The following ACSBG1 variants were observed in gnomAD, a reference collection of about 807,000 sequenced individuals.
ACSBG1 encodes long-chain-fatty-acid--CoA ligase ACSBG1.
In ACSBG1, 39 loss-of-function variants were observed where a neutral mutation model predicts 80.2. The observed-to-expected ratio is 0.49, with a 90% CI of 0.38 to 0.64. The LOEUF (loss-of-function observed/expected upper bound fraction) is 0.64. Among genes scored for constraint, ACSBG1 ranks in the 30% least tolerant of loss-of-function variants. The pLI is 0.00. For missense variants in ACSBG1, 828 were observed against 966.4 expected (o/e 0.86, Z 1.90); for synonymous variants, 392 against 379.5 (o/e 1.03, Z -0.38).
In ACSBG1 at chr15:78,168,790, T is replaced by C; in HGVS notation, c.*2654A>G. 4 of 643,080 alleles carry C rather than the reference T, an allele frequency of 6.2e-6. No homozygotes were observed. The highest frequency in any genetic ancestry group is 8.5e-6 in the Non-Finnish European group (3 of 352,136). The allele number at this position is 643,080 out of a possible 1,614,324, so 39.8% of individuals were successfully genotyped here. A position where few individuals can be genotyped will look rare whatever the true frequency, so the allele number is the denominator to read the frequency against. ...ATGGTGGTGGAGTGGTTCCTCACTT[T>C]GAAATGAGGAACTAAATGAAAGAGC... On this transcript the variant is annotated 3_prime_UTR_variant, in exon 14 of 14. Transcript: ENST00000258873.
rs2074920754 is a variant in ACSBG1, at chr15:78,179,671, TG to T, written c.1362del (p.Met455Ter). ...KCQKNFYGAA[P>X]MMAETQHFFL... ...AAGAAGTGCTGTGTCTCTGCCATCA[TG>T]GGGGCCGCTCCATAGAAGTTCTTTT... On this transcript the variant is annotated frameshift_variant, in exon 10 of 14. Transcript: ENST00000258873. LOFTEE classifies it high-confidence loss of function. 14 of 1,613,950 alleles carry T rather than the reference TG, an allele frequency of 8.7e-6. No individual in the cohort carries two copies. Among genetic ancestry groups the T allele is most frequent in the Non-Finnish European group, 1.2e-5 (14 of 1,180,010 alleles).
In ACSBG1 at chr15:78,182,028, G is replaced by A. The variant is rs1355995525; in HGVS notation, c.1012C>T (p.Leu338=). ...GCCCCCCACTGGATGCCTGTCCACA[G>A]GTCGTAGATCTGGGCGGCAATATGG... is the stretch of plus-strand genomic sequence containing the variant. ...LSHIAAQIYD[L]WTGIQWGAQV... Residue 338 remains leucine (L), a synonymous_variant, in exon 8 of 14, where the codon CTG becomes TTG. Transcript: ENST00000258873. 1 of 1,614,174 alleles carries A rather than the reference G, an allele frequency of 6.2e-7. No homozygotes were observed. Among genetic ancestry groups the A allele is most frequent in the Non-Finnish European group, 8.5e-7 (1 of 1,180,038 alleles).
At chr15:78,207,859 TG>T in intron 2 of ACSBG1, 142 bp downstream of exon 2, 1 of 676,152 alleles carries the variant, frequency 1.5e-6, no homozygotes, top group Non-Finnish European at 2.6e-6. Flanking sequence ...GTGGGGTCCC[TG>T]GGAGCGTGGA....
Position 78,171,468 on chromosome 15 carries a change from G to A in ACSBG1, c.2151C>T (p.Ser717=). 1 of 1,614,118 alleles carries A rather than the reference G, an allele frequency of 6.2e-7. No individual in the cohort carries two copies. The highest frequency in any genetic ancestry group is 1.1e-5 in the South Asian group (1 of 91,074). ...VLEKYKGIID[S]FYQEQKM is the part of the protein sequence containing the mutation. Reference sequence around the variant, plus strand: ...ATTACATTTTTTGCTCTTGGTAAAAGGAGTCAATGATACCTTTGTACTTCT... The same window carrying A: ...ATTACATTTTTTGCTCTTGGTAAAAAGAGTCAATGATACCTTTGTACTTCT... Residue 717 remains serine, a synonymous_variant, in exon 14 of 14, where the codon TCC becomes TCT. Transcript: ENST00000258873.
chr15:78,225,436 A>AAAT (rs1567100830), intron 1 of ACSBG1, among the ~76,000 whole-genome samples: 1 of 126,512 alleles, frequency 7.9e-6, no homozygotes, highest in Admixed American at 7.7e-5. Context: ...AATAAATAAA[A>AAAT]ATAAATTAAA....
intron 1 of ACSBG1, among the ~76,000 whole-genome samples, chr15:78,209,874 G>A (rs910153697): frequency 2.6e-5 from 4 of 152,194 alleles, no homozygotes; most frequent in African/African-American, 7.2e-5. Flanking sequence ...CATCTGAACT[G>A]CTTCCTCACA....
At position 78,178,907 on chromosome 15, in the gene ACSBG1, A is replaced by C; in HGVS notation, c.1485-76T>G. The C allele has an allele frequency of 7.0e-7, 1 of 1,432,904 alleles. No individual in the cohort carries two copies. 88.8% of individuals were successfully genotyped at this position (1,432,904 alleles called of 1,614,324 possible). ...GCCCCCACTGGGGAGCCGGGGTCCC[A>C]ACTGCTCGGTCTTCACTGATTGCTA... On this transcript the variant is annotated intron_variant, in intron 10 of 13. Coordinates refer to ENST00000258873, the MANE Select transcript of ACSBG1 (RefSeq NM_015162.5). The surrounding 1 kb of genome is among the most constrained non-coding windows in gnomAD (Gnocchi z 4.3).
At chr15:78,188,547 CA>C (rs1389816505) in intron 5 of ACSBG1, among the ~76,000 whole-genome samples, 11 of 144,218 alleles carry the variant, frequency 7.6e-5, no homozygotes, top group Non-Finnish European at 1.5e-4. Context: ...TGATCTTTGA[CA>C]AACCTGAGAA....
At chr15:78,193,826 G>T in intron 4 of ACSBG1, 106 bp downstream of exon 4, 2 of 1,465,654 alleles carry the variant, frequency 1.4e-6, no homozygotes. Context: ...GAGGAGGCAG[G>T]ATGGTGGGGA....
At chr15:78,211,247 T>C (rs1372942262) in intron 1 of ACSBG1, among the ~76,000 whole-genome samples, 1 of 152,238 alleles carries the variant, frequency 6.6e-6, no homozygotes, top group Non-Finnish European at 1.5e-5. Context: ...TACAGGTGAG[T>C]TGATATTACT....
chr15:78,179,060 A>T (rs1169468927), intron 10 of ACSBG1: 1 of 569,706 alleles, frequency 1.8e-6, no homozygotes, highest in African/African-American at 1.9e-5. Context: ...TAGAACTTGG[A>T]GCACTGTGAT....
At chr15:78,199,506 T>C (rs2075146449) in intron 2 of ACSBG1, among the ~76,000 whole-genome samples, 1 of 151,894 alleles carries the variant, frequency 6.6e-6, no homozygotes, top group Non-Finnish European at 1.5e-5. Flanking sequence ...GCTTGAACAA[T>C]AGAGAGACCT....
intron 2 of ACSBG1, among the ~76,000 whole-genome samples, chr15:78,199,801 AT>A (rs1006289001): frequency 1.3e-5 from 2 of 151,952 alleles, no homozygotes; most frequent in Non-Finnish European, 2.9e-5. Flanking sequence ...CCAGCCAAAT[AT>A]ATGTTTTAAA....
At chr15:78,215,541 AG>A (rs2075300400) in intron 1 of ACSBG1, among the ~76,000 whole-genome samples, 1 of 152,096 alleles carries the variant, frequency 6.6e-6, no homozygotes, top group Non-Finnish European at 1.5e-5. Context: ...CTGTAATCCC[AG>A]CTACTTGGGA....
chr15:78,204,247 T>C (rs1037026415), intron 2 of ACSBG1, among the ~76,000 whole-genome samples: 1 of 152,234 alleles, frequency 6.6e-6, no homozygotes, highest in African/African-American at 2.4e-5. Context: ...GTCATTGTTT[T>C]AGCTTTTTAA....
intron 4 of ACSBG1, 32 bp from the exon 5 acceptor site, chr15:78,193,658 G>C (rs1391107663): frequency 6.2e-7 from 1 of 1,601,580 alleles, no homozygotes; most frequent in African/African-American, 1.3e-5. Flanking sequence ...TCACCTTAGG[G>C]GAGGTGCAGA....
At chr15:78,227,802 C>T (rs988796629) in intron 1 of ACSBG1, among the ~76,000 whole-genome samples, 1 of 152,186 alleles carries the variant, frequency 6.6e-6, no homozygotes, top group Non-Finnish European at 1.5e-5. Context: ...TCTACTGAAA[C>T]GTACAGACGA....
intron 1 of ACSBG1, among the ~76,000 whole-genome samples, chr15:78,217,231 A>C (rs2075319455): frequency 6.6e-6 from 1 of 152,232 alleles, no homozygotes; most frequent in South Asian, 2.1e-4. Context: ...ACTGCGTCTC[A>C]GACAATGTTT....
At chr15:78,210,314 C>A (rs181587985) in intron 1 of ACSBG1, among the ~76,000 whole-genome samples, 3 of 152,158 alleles carry the variant, frequency 2.0e-5, no homozygotes, top group Non-Finnish European at 4.4e-5. Context: ...GAATTTGGGG[C>A]GCATGATTAA....
Sources: allele counts gnomAD v4.1 joint callset (sites outside exome capture counted in the v4.1 genomes callset), GRCh38; gene constraint gnomAD v4.1.1; non-coding constraint Gnocchi (gnomAD v3.1); transcripts MANE v1.5; gene names NCBI Gene and HGNC (gene_info 2026-07-23, HGNC 2026-07-21).